ZDHHC21: variants seen among roughly 807,000 people sequenced by gnomAD.
The protein encoded by ZDHHC21 is zDHHC palmitoyltransferase 21, also known as palmitoyltransferase ZDHHC21.
A neutral mutation model predicts 34.6 loss-of-function variants in ZDHHC21; 15 were observed. That is an observed-to-expected ratio of 0.43 (90% CI 0.29 to 0.67). The LOEUF (loss-of-function observed/expected upper bound fraction) is 0.67. Among genes scored for constraint, ZDHHC21 ranks in the 30% least tolerant of loss-of-function variants. ZDHHC21 has a pLI of 0.14. For missense variants in ZDHHC21, 344 were observed against 327.7 expected (o/e 1.05, Z -0.38); for synonymous variants, 142 against 101.8 (o/e 1.40, Z -2.38).
chr9:14,604,915 A>G, the ZDHHC21 span, among the ~76,000 whole-genome samples: 61 of 152,126 alleles, frequency 4.0e-4, no homozygotes, highest in East Asian at 3.8e-4. Flanking sequence ...TACTGTTTCT[A>G]TAAGTTTGAC....
At chr9:14,637,736 C>T (rs1043242174) in intron 8 of ZDHHC21, among the ~76,000 whole-genome samples, 23 of 151,844 alleles carry the variant, frequency 1.5e-4, no homozygotes, top group African/African-American at 5.3e-4. Context: ...CGTTTCTATA[C>T]ACCAATAATG....
At chr9:14,691,669 A>C (rs1415656149) in intron 1 of ZDHHC21, among the ~76,000 whole-genome samples, 1 of 152,210 alleles carries the variant, frequency 6.6e-6, no homozygotes, top group Non-Finnish European at 1.5e-5. Context: ...TATTTCATTT[A>C]TTCCAACTAC....
At chr9:14,683,527 A>G (rs1425731233) in intron 2 of ZDHHC21, 1 of 152,208 alleles carries the variant, frequency 6.6e-6, no homozygotes, top group Admixed American at 6.5e-5. Context: ...GAATAGACCA[A>G]TAACAGGCTC....
Position 14,611,252 on chromosome 9 carries a change from A to G in ZDHHC21, c.*7714T>C, listed in dbSNP as rs1823251158. On this transcript the variant is annotated 3_prime_UTR_variant, in exon 10 of 10. Transcript: ENST00000380916. ...AAAACAACAACATTGTTCTTAAGGTAGATACATGGTTTGATTTTCACATTA... is the reference window on the plus strand; with the variant it reads ...AAAACAACAACATTGTTCTTAAGGTGGATACATGGTTTGATTTTCACATTA... The G allele has an allele frequency of 1.3e-5, 2 of 152,022 alleles. No individual in the cohort carries two copies. The highest frequency in any genetic ancestry group is 4.8e-5 in the African/African-American group (2 of 41,440). 9.4% of individuals were successfully genotyped at this position (152,022 alleles called of 1,614,324 possible). A position where few individuals can be genotyped will look rare whatever the true frequency, so the allele number is the denominator to read the frequency against.
intron 8 of ZDHHC21, chr9:14,622,749 T>G (rs1436174971): frequency 1.0e-6 from 1 of 985,152 alleles, no homozygotes; most frequent in Non-Finnish European, 1.2e-6. Flanking sequence ...CTTTTGAGTC[T>G]GGAAGTAAGA....
the ZDHHC21 span, chr9:14,589,860 G>A: frequency 6.6e-6 from 1 of 152,188 alleles, no homozygotes; most frequent in Non-Finnish European, 1.5e-5. Flanking sequence ...AAAGGCAAGT[G>A]CAAAAGCAGT....
chr9:14,657,246 A>G (rs1832412843), intron 7 of ZDHHC21, among the ~76,000 whole-genome samples: 1 of 152,126 alleles, frequency 6.6e-6, no homozygotes, highest in Non-Finnish European at 1.5e-5. Flanking sequence ...AATAGGCCAA[A>G]GAAAAATTGT....
chr9:14,689,090 G>A (rs10810220), intron 2 of ZDHHC21, among the ~76,000 whole-genome samples: 34,255 of 152,064 alleles, frequency 0.23, 4,189 homozygotes, highest in South Asian at 0.35. Flanking sequence ...AAAATGCCCC[G>A]TTATCTACTT....
At chr9:14,606,241 T>C (rs893272966), downstream of ZDHHC21, among the ~76,000 whole-genome samples, 1 of 152,212 alleles carries the variant, frequency 6.6e-6, no homozygotes, top group African/African-American at 2.4e-5. Context: ...TGGAATTATG[T>C]TCTCTCCCGC....
At chr9:14,605,433 T>C in the ZDHHC21 span, among the ~76,000 whole-genome samples, 1 of 152,196 alleles carries the variant, frequency 6.6e-6, no homozygotes, top group Non-Finnish European at 1.5e-5. Context: ...ATCTCTCTAT[T>C]AGTGATGTTG....
intron 8 of ZDHHC21, chr9:14,622,754 G>A: frequency 1.0e-6 from 1 of 985,146 alleles, no homozygotes; most frequent in Non-Finnish European, 1.2e-6. Context: ...GAGTCTGGAA[G>A]TAAGAGCCAT....
Position 14,620,211 on chromosome 9 carries a change from T to C in ZDHHC21, c.622-529A>G, listed in dbSNP as rs150342847. ...GAAAACTAAACTGACCAGAGTTCTT[T>C]CTTAGCGGAAAAAATAACTTTTTTG... On this transcript the variant is annotated intron_variant, in intron 8 of 9. Transcript: ENST00000380916. 8.9e-3 allele frequency among the ~76,000 whole-genome samples: 1,350 copies of C among 152,090 alleles called. 18 individuals are homozygous for C. Among genetic ancestry groups the C allele is most frequent in the African/African-American group, 0.03 (1,226 of 41,514 alleles).
chr9:14,671,997 A>AT (rs1246001612), intron 5 of ZDHHC21, among the ~76,000 whole-genome samples: 6 of 152,170 alleles, frequency 3.9e-5, no homozygotes, highest in African/African-American at 1.4e-4. Flanking sequence ...TATATGCTCA[A>AT]AAGTTTATAA....
chr9:14,656,673 C>CT (rs1832275079), intron 7 of ZDHHC21, among the ~76,000 whole-genome samples: 1 of 151,902 alleles, frequency 6.6e-6, no homozygotes, highest in Non-Finnish European at 1.5e-5. Flanking sequence ...CTCAGCACTA[C>CT]TAGACACAAG....
At chr9:14,599,252 C>T in the ZDHHC21 span, among the ~76,000 whole-genome samples, 1 of 152,150 alleles carries the variant, frequency 6.6e-6, no homozygotes, top group Non-Finnish European at 1.5e-5. Flanking sequence ...GTACCCGGCT[C>T]ATCTCATTGG....
intron 2 of ZDHHC21, among the ~76,000 whole-genome samples, chr9:14,687,195 A>T (rs1411079606): frequency 2.7e-5 from 4 of 150,848 alleles, no homozygotes; most frequent in African/African-American, 1.0e-4. Context: ...GTTATAGCAC[A>T]GGCCAATCAC....
downstream of ZDHHC21, among the ~76,000 whole-genome samples, chr9:14,607,448 T>C (rs779956654): frequency 4.6e-5 from 7 of 152,120 alleles, no homozygotes; most frequent in Admixed American, 4.6e-4. Context: ...TCATATATCA[T>C]TATATGATAG....
chr9:14,613,087 A>AAAGT lies in ZDHHC21; in HGVS notation c.*5875_*5878dup, dbSNP rs1356848949. On this transcript the variant is annotated 3_prime_UTR_variant, in exon 10 of 10. Coordinates refer to ENST00000380916, the MANE Select transcript of ZDHHC21 (RefSeq NM_178566.6). ...ATTTCAGCCTATCAAACTACCTTTT[A>AAAGT]AAGTAGCCAAGCTATATTAAAATAC... 2 of 151,868 alleles carry AAAGT rather than the reference A, an allele frequency of 1.3e-5. No individual in the cohort carries two copies. The highest frequency in any genetic ancestry group is 6.6e-5 in the Admixed American group (1 of 15,200). 9.4% of individuals were successfully genotyped at this position (151,868 alleles called of 1,614,324 possible).
chr9:14,689,013 C>T (rs1838776168), intron 2 of ZDHHC21, among the ~76,000 whole-genome samples: 1 of 152,164 alleles, frequency 6.6e-6, no homozygotes, highest in African/African-American at 2.4e-5. Context: ...CTGCACTGCA[C>T]TCCAGCCTGG....
Sources: gnomAD v4.1 joint callset for allele counts (sites outside exome capture counted in the v4.1 genomes callset) on GRCh38, gnomAD v4.1.1 for gene constraint, MANE v1.5 for transcripts, NCBI Gene and HGNC (gene_info 2026-07-23, HGNC 2026-07-21) for gene names.